The following XIST variants were observed in gnomAD, a reference collection of about 807,000 sequenced individuals.
XIST encodes the protein X inactive specific transcript, also known as X inactive specific transcript (non-protein coding).
exon 6 of XIST, chrX:73,826,588 T>G (rs755573592): frequency 1.8e-6 from 1 of 557,749 alleles, no homozygotes; most frequent in Non-Finnish European, 3.2e-6. Flanking sequence ...ACAGGAGAAC[T>G]GGAAATATCT....
chrX:73,850,195 G>A (rs1922883066), exon 1 of XIST: 1 of 549,989 alleles, frequency 1.8e-6, no homozygotes, highest in Non-Finnish European at 3.3e-6. Context: ...CTCTTCAAAG[G>A]AAAATAGTTA....
exon 1 of XIST, chrX:73,851,616 C>G (rs1172682423): frequency 5.4e-6 from 3 of 557,168 alleles, no homozygotes; most frequent in Non-Finnish European, 9.7e-6. Flanking sequence ...GTCCCTTGTA[C>G]TGATAAAAGA....
chrX:73,850,643 G>A, exon 1 of XIST: 1 of 505,195 alleles, frequency 2.0e-6, no homozygotes, highest in East Asian at 3.5e-5. Flanking sequence ...CAGGCCTGGA[G>A]CACTGCCCAT....
At chrX:73,838,535 A>G (rs776614647) in intron 1 of XIST, among the ~76,000 whole-genome samples, 86 of 111,537 alleles carry the variant, frequency 7.7e-4, no homozygotes, top group African/African-American at 2.7e-3. Context: ...AAACATCAAA[A>G]CAGTAAAGGA....
chrX:73,839,406 T>G (rs1337341032), intron 1 of XIST, among the ~76,000 whole-genome samples: 1 of 111,601 alleles, frequency 9.0e-6, no homozygotes. Flanking sequence ...TTTTGAAAAT[T>G]TTCCAAATCA....
At chrX:73,842,657 G>A (rs745733283) in exon 1 of XIST, 25 of 556,254 alleles carry the variant, frequency 4.5e-5, no homozygotes, top group Non-Finnish European at 7.4e-5. Context: ...GGGGCTTTGG[G>A]TAGTCAGCAT....
At chrX:73,833,155 G>C (rs1485384437) in intron 3 of XIST, 1 of 502,181 alleles carries the variant, frequency 2.0e-6, no homozygotes, top group Non-Finnish European at 3.6e-6. Flanking sequence ...ACCATGCCCA[G>C]CTGTGTTCTG....
exon 1 of XIST, chrX:73,843,063 T>A (rs1347596318): frequency 3.6e-6 from 2 of 558,641 alleles, no homozygotes; most frequent in Non-Finnish European, 6.5e-6. Context: ...TTATACTTTA[T>A]TATGCCATGG....
exon 6 of XIST, chrX:73,827,975 GA>G: frequency 3.9e-6 from 2 of 510,629 alleles, no homozygotes; most frequent in Non-Finnish European, 7.0e-6. Flanking sequence ...AAGAGACAAA[GA>G]AATACACACT....
chrX:73,843,745 C>T (rs983607357), exon 1 of XIST: 14 of 555,976 alleles, frequency 2.5e-5, no homozygotes, highest in Non-Finnish European at 4.5e-5. Context: ...TGGGCACTAC[C>T]TGCTAAAAAC....
exon 1 of XIST, chrX:73,850,470 A>T: frequency 1.8e-6 from 1 of 546,231 alleles, no homozygotes; most frequent in Non-Finnish European, 3.3e-6. Flanking sequence ...TATGACTGAC[A>T]TCCAAAAGAT....
exon 1 of XIST, chrX:73,847,481 A>G (rs1171709492): frequency 3.9e-6 from 2 of 510,146 alleles, no homozygotes; most frequent in Admixed American, 5.4e-5. Context: ...CAGCCTCCCA[A>G]AGTGCTGGGA....
chrX:73,823,309 CTTTTTTT>C (rs375977945), exon 6 of XIST: 6 of 438,176 alleles, frequency 1.4e-5, no homozygotes, highest in Non-Finnish European at 1.9e-5. Flanking sequence ...ATTTTTCTTT[CTTTTTTT>C]TTTTTTTTTT....
At chrX:73,842,221 T>G in exon 1 of XIST, 1 of 518,999 alleles carries the variant, frequency 1.9e-6, no homozygotes, top group Non-Finnish European at 3.5e-6. Context: ...ATCCTGGCAT[T>G]TGGCACTTTA....
chrX:73,850,151 G>A, exon 1 of XIST: 1 of 558,070 alleles, frequency 1.8e-6, no homozygotes, highest in Non-Finnish European at 3.2e-6. Context: ...ATTAGGTCAT[G>A]AAGTTAAATT....
At chrX:73,850,131 T>C in exon 1 of XIST, 1 of 558,792 alleles carries the variant, frequency 1.8e-6, no homozygotes, top group Non-Finnish European at 3.2e-6. Flanking sequence ...CTTCAAACAC[T>C]CTTTTTTACA....
exon 1 of XIST, chrX:73,850,279 A>G: frequency 1.8e-6 from 1 of 548,966 alleles, no homozygotes; most frequent in Non-Finnish European, 3.3e-6. Flanking sequence ...ATCTACTGCC[A>G]AAAAAAGGTT....
chrX:73,829,790 CAAAAAAAAAAA>C (rs752287639), intron 4 of XIST, among the ~76,000 whole-genome samples: 3 of 24,249 alleles, frequency 1.2e-4, no homozygotes, highest in East Asian at 9.9e-4. Flanking sequence ...AACTCCATCT[CAAAAAAAAAAA>C]AAAAAAAAAA....
At chrX:73,828,820 A>G (rs1170194902) in intron 5 of XIST, 6 of 286,608 alleles carry the variant, frequency 2.1e-5, no homozygotes, top group African/African-American at 8.0e-5. Flanking sequence ...GGGCCTATAC[A>G]GTGAAGACAT....
Sources: allele counts gnomAD v4.1 joint callset (sites outside exome capture counted in the v4.1 genomes callset), GRCh38; gene constraint gnomAD v4.1.1; transcripts MANE v1.5; gene names NCBI Gene and HGNC (gene_info 2026-07-23, HGNC 2026-07-21).